Variants in RNF213 observed in about 807,000 individuals in gnomAD.
RNF213 encodes ring finger protein 213.
In RNF213, 341 loss-of-function variants were observed where a neutral mutation model predicts 514.4. The ratio of observed to expected loss-of-function variants is 0.66; its 90% CI spans 0.61 to 0.73. RNF213 has a LOEUF of 0.73. RNF213 is among the 30% of genes least tolerant of loss of function. RNF213 has a pLI of 0.00. For synonymous variants in RNF213, 2,655 were observed against 2,658.2 expected, an observed-to-expected ratio of 1.00 and a Z score of 0.04; for missense variants, 5,767 against 6,615.6, an observed-to-expected ratio of 0.87 and a Z score of 4.45.
Position 80,290,618 on chromosome 17 carries a change from C to T in RNF213, c.1161C>T (p.Ile387=), listed in dbSNP as rs1568019985. 1 of 1,614,178 alleles carries T rather than the reference C, an allele frequency of 6.2e-7. No homozygotes were observed. Among genetic ancestry groups the T allele is most frequent in the African/African-American group, 1.3e-5 (1 of 75,036 alleles). Residue 387 remains isoleucine (I), a synonymous_variant, in exon 7 of 68, where the codon ATC becomes ATT. Coordinates refer to ENST00000582970, the MANE Select transcript of RNF213 (RefSeq NM_001256071.3). ...GGVTVFFHAI[I]SLHFPFNPDL... Reference sequence around the variant, plus strand: ...TCACCGTGTTCTTCCACGCCATCATCTCTCTTCATTTCCCATTCAATCCTG... The same window carrying T: ...TCACCGTGTTCTTCCACGCCATCATTTCTCTTCATTTCCCATTCAATCCTG...
intron 3 of RNF213, among the ~76,000 whole-genome samples, chr17:80,284,372 A>C (rs1252693910): frequency 6.6e-6 from 1 of 150,506 alleles, no homozygotes; most frequent in Non-Finnish European, 1.5e-5. Context: ...CTCAAAAAAA[A>C]CAAAAACAAA....
chr17:80,363,840 A>C, intron 41 of RNF213, 50 bp downstream of exon 41: 2 of 1,565,458 alleles, frequency 1.3e-6, no homozygotes, highest in Non-Finnish European at 1.7e-6. Context: ...CGCGCTCACC[A>C]GGAGCCTGCC....
chr17:80,343,904 A>G lies in RNF213; in HGVS notation c.6231A>G (p.Gln2077=), dbSNP rs145373018. The part of the protein sequence containing the change: ...WVFLFKLLIL[Q]YLMDINGKMW... Reference sequence around the variant, plus strand: ...TTCTTTTCAAGCTCCTCATTTTACAATACTTAATGGATATAAATGGGAAAA... The same window carrying G: ...TTCTTTTCAAGCTCCTCATTTTACAGTACTTAATGGATATAAATGGGAAAA... The change falls in exon 28 of 68, where the codon CAA becomes CAG. Residue 2077 remains glutamine, a synonymous_variant. Transcript: ENST00000582970. This position sits in a 1 kb window ranked among gnomAD's most constrained non-coding sequence, Gnocchi z 4.3. 3.8e-5 allele frequency: 62 copies of G among 1,614,172 alleles called. No individual in the cohort carries two copies. Among genetic ancestry groups the G allele is most frequent in the Non-Finnish European group, 5.0e-5 (59 of 1,180,030 alleles).
chr17:80,353,793 A>T lies in RNF213; in HGVS notation c.10578+127A>T. On this transcript the variant is annotated intron_variant, in intron 34 of 67. Transcript: ENST00000582970. The surrounding 1 kb of genome is among the most constrained non-coding windows in gnomAD (Gnocchi z 5.0). ...TGTGCAGGGGTGAGGATGGCGCCCC[A>T]CTTTCCTCACACAGTGACGGTCTTG... 1 of 1,330,578 alleles carries T rather than the reference A, an allele frequency of 7.5e-7. No individual in the cohort carries two copies. The highest frequency in any genetic ancestry group is 2.3e-5 in the East Asian group (1 of 43,148). 82.4% of individuals were successfully genotyped at this position (1,330,578 alleles called of 1,614,324 possible).
chr17:80,391,252 G>A (rs979657705), intron 67 of RNF213, among the ~76,000 whole-genome samples: 32 of 152,074 alleles, frequency 2.1e-4, no homozygotes, highest in African/African-American at 7.2e-4. Context: ...TCACCCATTT[G>A]TATATCATCC....
chr17:80,305,338 CT>C (rs146409979), intron 11 of RNF213, among the ~76,000 whole-genome samples: 12,740 of 152,006 alleles, frequency 0.084, 707 homozygotes, highest in Non-Finnish European at 0.13. Context: ...GCCACCACGC[CT>C]GGCTAATTTA....
chr17:80,262,474 G>C (rs968003618), intron 1 of RNF213, among the ~76,000 whole-genome samples: 2 of 152,200 alleles, frequency 1.3e-5, no homozygotes, highest in East Asian at 1.9e-4. Flanking sequence ...GGTGATCTCA[G>C]AGCTGCTCTC....
chr17:80,274,605 AG>A (rs2043949033), intron 3 of RNF213, among the ~76,000 whole-genome samples: 2 of 8,720 alleles, frequency 2.3e-4, no homozygotes, highest in Non-Finnish European at 4.8e-4. Flanking sequence ...GAGTGGGGTG[AG>A]TGTGGGGGGT....
rs1190521407 is a variant in RNF213, at chr17:80,363,152, A to G, written c.11406A>G (p.Ser3802=). 13 of 1,614,154 alleles carry G rather than the reference A, an allele frequency of 8.1e-6. No individual in the cohort carries two copies. Among genetic ancestry groups the G allele is most frequent in the Non-Finnish European group, 1.1e-5 (13 of 1,180,056 alleles). ...WSCTRKLKAA[S]EAPEEEVSLP... ...GCACTAGGAAACTGAAAGCGGCGTC[A>G]GAAGCGCCCGAGGAAGAGGTTTCCT... Residue 3802 remains serine (S), a synonymous_variant, in exon 40 of 68, where the codon TCA becomes TCG. Transcript: ENST00000582970.
rs771800984 is a variant in RNF213, at chr17:80,346,971, T to G, written c.8636T>G (p.Val2879Gly). 4 of 1,613,526 alleles carry G rather than the reference T, an allele frequency of 2.5e-6. No homozygotes were observed. The highest frequency in any genetic ancestry group is 3.4e-6 in the Non-Finnish European group (4 of 1,179,762). ...GACGATCCCGCCCCCCACAAAAAGG[T>G]CGGCTTCGTGGGCATCTCCAACTGG... ...IEDDPAPHKK[V>G]GFVGISNWAL... is the part of the protein sequence containing the mutation. Residue 2879 changes from valine to glycine, a missense_variant, in exon 29 of 68, where the codon GTC (valine) becomes GGC (glycine). Val to Gly is a moderately radical substitution (Grantham distance 109, BLOSUM62 -3). Transcript: ENST00000582970. The surrounding 1 kb of genome is among the most constrained non-coding windows in gnomAD (Gnocchi z 8.1).
intron 55 of RNF213, among the ~76,000 whole-genome samples, chr17:80,380,065 C>T (rs2079925243): frequency 6.6e-6 from 1 of 152,192 alleles, no homozygotes; most frequent in Non-Finnish European, 1.5e-5. Flanking sequence ...GGACCAAAAC[C>T]TGGGCATCCG....
chr17:80,270,277 C>T (rs1171094755), intron 2 of RNF213, among the ~76,000 whole-genome samples: 4 of 152,240 alleles, frequency 2.6e-5, no homozygotes, highest in Non-Finnish European at 4.4e-5. Flanking sequence ...GGGCACTTCC[C>T]TTGTCCTGCT....
At chr17:80,319,391 C>T (rs774378749) in intron 17 of RNF213, 79 bp downstream of exon 17, 2 of 1,614,242 alleles carry the variant, frequency 1.2e-6, no homozygotes. Flanking sequence ...GGCTATGAAG[C>T]ACCCGCTGGG....
chr17:80,389,423 T>C (rs2080372265), intron 65 of RNF213, 56 bp downstream of exon 65: 6 of 1,510,720 alleles, frequency 4.0e-6, no homozygotes, highest in Non-Finnish European at 5.5e-6. Context: ...GTCTCCTGCT[T>C]CCCGCGAGGG....
At position 80,383,769 on chromosome 17, in the gene RNF213, C is replaced by T; in HGVS notation, c.14163C>T (p.Asp4721=). ...CTGTGGCCAAAATAATATATGGTGA[C>T]CCAGTGACCTTCCTGCCCCACCTGC... is the stretch of plus-strand genomic sequence containing the variant. ...SNPVAKIIYG[D]PVTFLPHLPR... Residue 4721 remains aspartate (D), a synonymous_variant, in exon 59 of 68, where the codon GAC becomes GAT. Coordinates refer to ENST00000582970, the MANE Select transcript of RNF213 (RefSeq NM_001256071.3). The T allele has an allele frequency of 1.9e-6, 3 of 1,614,132 alleles. No individual in the cohort carries two copies. Among genetic ancestry groups the T allele is most frequent in the Non-Finnish European group, 2.5e-6 (3 of 1,180,024 alleles).
At position 80,383,768 on chromosome 17, in the gene RNF213, A is replaced by T. The variant is rs1290846343; in HGVS notation, c.14162A>T (p.Asp4721Val). Residue 4721 changes from aspartate to valine, a missense_variant, in exon 59 of 68, where the codon GAC becomes GTC. Asp to Val is a radical substitution (Grantham distance 152). This residue lies in a region of RNF213 where 1,245 missense variants were observed against 1,339.0 expected (regional missense o/e 0.93). Transcript: ENST00000582970. ...SNPVAKIIYG[D>V]PVTFLPHLPR... The stretch of plus-strand genomic sequence containing the variant: ...CCTGTGGCCAAAATAATATATGGTG[A>T]CCCAGTGACCTTCCTGCCCCACCTG... The T allele has an allele frequency of 6.2e-7, 1 of 1,613,992 alleles. No individual in the cohort carries two copies. The highest frequency in any genetic ancestry group is 8.5e-7 in the Non-Finnish European group (1 of 1,180,024).
chr17:80,309,240 G>T lies in RNF213; in HGVS notation c.2655+69G>T, dbSNP rs937512511. Reference sequence around the variant, plus strand: ...CGGAATTTCAAGCAGCCTCAATTTGGAAAGGAAACAGACTGATTCCCGGGT... The same window carrying T: ...CGGAATTTCAAGCAGCCTCAATTTGTAAAGGAAACAGACTGATTCCCGGGT... On this transcript the variant is annotated intron_variant, in intron 14 of 67. Transcript: ENST00000582970. The T allele has an allele frequency of 3.8e-6, 6 of 1,586,814 alleles. No homozygotes were observed. In the African/African-American group the frequency reaches 6.7e-5, roughly 18 times the overall value.
chr17:80,305,279 A>G (rs1467778987), intron 11 of RNF213, among the ~76,000 whole-genome samples: 6 of 149,888 alleles, frequency 4.0e-5, no homozygotes, highest in Non-Finnish European at 5.9e-5. Context: ...CCTGGGTTCA[A>G]GTGATTCTCC....
intron 23 of RNF213, chr17:80,336,898 C>G: frequency 1.0e-5 from 2 of 191,842 alleles, no homozygotes; most frequent in Non-Finnish European, 2.2e-5. Context: ...GAGACTCTGT[C>G]TCAAAAAAAA....
Sources: gnomAD v4.1 joint callset for allele counts (sites outside exome capture counted in the v4.1 genomes callset) on GRCh38, gnomAD v4.1.1 for gene constraint, gnomAD v4.1.1 regional missense constraint, Gnocchi (gnomAD v3.1) non-coding constraint, MANE v1.5 for transcripts, NCBI Gene and HGNC (gene_info 2026-07-23, HGNC 2026-07-21) for gene names.